GALNTL6: variants seen among roughly 807,000 people sequenced by gnomAD.
GALNTL6 encodes polypeptide N-acetylgalactosaminyltransferase-like 6.
In GALNTL6, 46 loss-of-function variants were observed where a neutral mutation model predicts 73.7. The ratio of observed to expected loss-of-function variants is 0.62; its 90% CI spans 0.49 to 0.80. GALNTL6 has a LOEUF of 0.80. Among genes scored for constraint, GALNTL6 ranks in the 30% least tolerant of loss-of-function variants. The pLI, the probability that GALNTL6 is intolerant of heterozygous loss-of-function variation, is 0.00. For synonymous variants in GALNTL6, 259 were observed against 263.7 expected, an observed-to-expected ratio of 0.98 and a Z score of 0.17; for missense variants, 604 against 755.0, an observed-to-expected ratio of 0.80 and a Z score of 2.34.
At chr4:171,924,896 A>G (rs1010371965) in intron 2 of GALNTL6, among the ~76,000 whole-genome samples, 2 of 152,126 alleles carry the variant, frequency 1.3e-5, no homozygotes, top group South Asian at 4.1e-4. Flanking sequence ...CAAAAGAATG[A>G]ACACCAGGAG....
chr4:172,961,414 G>A (rs1159167636), intron 10 of GALNTL6, among the ~76,000 whole-genome samples: 1 of 152,058 alleles, frequency 6.6e-6, no homozygotes, highest in Non-Finnish European at 1.5e-5. Context: ...AGGGGTTGGG[G>A]GTTCTTGCCC....
chr4:172,876,238 T>G (rs937523371), intron 7 of GALNTL6, among the ~76,000 whole-genome samples: 1 of 152,204 alleles, frequency 6.6e-6, no homozygotes, highest in African/African-American at 2.4e-5. Flanking sequence ...ATTATGTGTG[T>G]GATAAAAACA....
chr4:172,139,607 T>G (rs1396986402), intron 2 of GALNTL6, among the ~76,000 whole-genome samples: 1 of 152,226 alleles, frequency 6.6e-6, no homozygotes, highest in Non-Finnish European at 1.5e-5. Flanking sequence ...GTTGTTCAGG[T>G]GTGAAATTGA....
intron 2 of GALNTL6, among the ~76,000 whole-genome samples, chr4:171,879,687 A>C (rs1227114648): frequency 6.6e-6 from 1 of 152,168 alleles, no homozygotes; most frequent in Admixed American, 6.5e-5. Context: ...CAAGTTGTTG[A>C]GGTAATAGGG....
intron 5 of GALNTL6, among the ~76,000 whole-genome samples, chr4:172,707,855 T>C (rs1734450712): frequency 1.3e-5 from 2 of 152,058 alleles, no homozygotes; most frequent in African/African-American, 4.8e-5. Flanking sequence ...TGATCAGATA[T>C]CAAGGGTGAG....
chr4:172,960,078 G>T (rs949810145), intron 10 of GALNTL6, among the ~76,000 whole-genome samples: 2 of 152,210 alleles, frequency 1.3e-5, no homozygotes, highest in Non-Finnish European at 2.9e-5. Context: ...TTTATTTAAT[G>T]TCAGGAGCAG....
rs114771020 is a variant in GALNTL6 at position 172,243,911 on chromosome 4, T to C, written c.247+14147T>C. On this transcript the variant is annotated intron_variant, in intron 3 of 12. Transcript: ENST00000506823. ...CTATATTGCCTTCAGAAAGTAAAAA[T>C]AGCAACCATTGCTATGGCTACAATG... 5.6e-3 allele frequency among the ~76,000 whole-genome samples: 854 copies of C among 152,238 alleles called. 13 individuals are homozygous for C. The highest frequency in any genetic ancestry group is 0.019 in the African/African-American group (801 of 41,560).
chr4:172,431,023 C>T (rs1731429869), intron 5 of GALNTL6, among the ~76,000 whole-genome samples: 1 of 152,046 alleles, frequency 6.6e-6, no homozygotes, highest in African/African-American at 2.4e-5. Context: ...TTTCTTAAAG[C>T]TATTTTTTAA....
At chr4:172,500,363 G>A (rs1344091652) in intron 5 of GALNTL6, among the ~76,000 whole-genome samples, 1 of 152,204 alleles carries the variant, frequency 6.6e-6, no homozygotes, top group Admixed American at 6.5e-5. Context: ...CGAGGCTGTA[G>A]TGAGCCATAA....
intron 10 of GALNTL6, among the ~76,000 whole-genome samples, chr4:172,961,813 T>C (rs1008311268): frequency 6.6e-6 from 1 of 152,104 alleles, no homozygotes; most frequent in Non-Finnish European, 1.5e-5. Flanking sequence ...AGGTTGTAGG[T>C]GGATCTTTCT....
chr4:172,600,634 A>G (rs971717241), intron 5 of GALNTL6, among the ~76,000 whole-genome samples: 2 of 152,302 alleles, frequency 1.3e-5, no homozygotes, highest in South Asian at 4.1e-4. Flanking sequence ...ACTGGAGGAT[A>G]GTAGGCTGAA....
chr4:171,824,484 A>C (rs1734773481), intron 2 of GALNTL6, among the ~76,000 whole-genome samples: 1 of 152,140 alleles, frequency 6.6e-6, no homozygotes, highest in South Asian at 2.1e-4. Flanking sequence ...AGGCTTTAAT[A>C]AGCTAATCTG....
At chr4:172,380,226 A>G (rs1267812616) in intron 5 of GALNTL6, 2 of 944,928 alleles carry the variant, frequency 2.1e-6, no homozygotes, top group African/African-American at 3.2e-5. Context: ...AAAATATCTT[A>G]ACGTATTCTC....
At chr4:172,744,434 C>T (rs1736976834) in intron 5 of GALNTL6, among the ~76,000 whole-genome samples, 1 of 152,030 alleles carries the variant, frequency 6.6e-6, no homozygotes, top group South Asian at 2.1e-4. Context: ...GAAACTGGAA[C>T]CCCCTTAAAT....
intron 5 of GALNTL6, among the ~76,000 whole-genome samples, chr4:172,514,981 ACTT>A (rs1734553386): frequency 6.6e-6 from 1 of 152,074 alleles, no homozygotes; most frequent in Non-Finnish European, 1.5e-5. Context: ...GTGGCAAACC[ACTT>A]CTTTCAAAGG....
At chr4:171,938,382 G>C (rs571092977) in intron 2 of GALNTL6, among the ~76,000 whole-genome samples, 2 of 152,130 alleles carry the variant, frequency 1.3e-5, no homozygotes, top group African/African-American at 4.8e-5. Context: ...CAACATTATA[G>C]ACCCTGCCAT....
At chr4:171,977,489 T>C (rs7687749) in intron 2 of GALNTL6, among the ~76,000 whole-genome samples, 8,505 of 152,054 alleles carry the variant, frequency 0.056, 618 homozygotes, top group African/African-American at 0.17. Context: ...GGGGTGTAGA[T>C]GGCTGTCTTC....
At chr4:172,525,072 C>T (rs1734907649) in intron 5 of GALNTL6, among the ~76,000 whole-genome samples, 1 of 152,102 alleles carries the variant, frequency 6.6e-6, no homozygotes. Context: ...TTACATAAAT[C>T]AATTGTCTAT....
chr4:172,613,930 G>A (rs1046400338), intron 5 of GALNTL6, among the ~76,000 whole-genome samples: 1 of 152,030 alleles, frequency 6.6e-6, no homozygotes, highest in Non-Finnish European at 1.5e-5. Flanking sequence ...TTTTGTTCTA[G>A]CTACAAAGAA....
Sources: allele counts gnomAD v4.1 joint callset (sites outside exome capture counted in the v4.1 genomes callset), GRCh38; gene constraint gnomAD v4.1.1; transcripts MANE v1.5; gene names NCBI Gene and HGNC (gene_info 2026-07-23, HGNC 2026-07-21).